Variants in SLC1A1 observed in about 807,000 individuals in gnomAD.
SLC1A1 encodes excitatory amino acid transporter 3.
SLC1A1 carries 43 observed loss-of-function variants against 53.3 expected under a neutral mutation model. The ratio of observed to expected loss-of-function variants is 0.81; its 90% confidence interval spans 0.63 to 1.04. SLC1A1 has a LOEUF of 1.04. Among genes scored for constraint, SLC1A1 ranks in the 50% least tolerant of loss-of-function variants. SLC1A1 has a pLI of 0.00. For missense variants in SLC1A1, 748 were observed against 664.9 expected (o/e 1.12, Z -1.37); for synonymous variants, 307 against 243.2 (o/e 1.26, Z -2.44).
chr9:4,544,421 T>C (rs1039787963), intron 1 of SLC1A1, 146 bp from the exon 2 acceptor site: 18 of 730,006 alleles, frequency 2.5e-5, no homozygotes, highest in East Asian at 5.1e-5. Flanking sequence ...ATAATTTCAG[T>C]CTAGATTTTA....
Position 4,544,699 on chromosome 9 carries a change from T to C in SLC1A1, c.224T>C (p.Met75Thr). 6.2e-7 allele frequency: 1 copy of C among 1,613,020 alleles called. No individual in the cohort carries two copies. Among genetic ancestry groups the C allele is most frequent in the Non-Finnish European group, 8.5e-7 (1 of 1,179,118 alleles). The change falls in exon 2 of 12, where the codon ATG (methionine) becomes ACG (threonine). Residue 75 changes from methionine to threonine, a missense_variant. Transcript: ENST00000262352. ...ATTTTGCCATTAATTATATCCAGCA[T>C]GATTACAGGTACCTTGAGAAAACAG... ...LIILPLIISS[M>T]ITGVAALDSN... is the part of the protein sequence containing the mutation.
intron 2 of SLC1A1, among the ~76,000 whole-genome samples, chr9:4,548,505 C>T (rs1210789804): frequency 1.3e-5 from 2 of 151,684 alleles, no homozygotes; most frequent in African/African-American, 4.8e-5. Context: ...GCCAAATTAA[C>T]AGGTAGAAAA....
intron 3 of SLC1A1, among the ~76,000 whole-genome samples, chr9:4,563,010 C>G (rs542258536): frequency 6.2e-4 from 93 of 150,906 alleles, no homozygotes; most frequent in African/African-American, 2.3e-3. Flanking sequence ...GGAGATATAC[C>G]TAATGCTAGA....
chr9:4,583,313 C>A lies in SLC1A1; in HGVS notation c.1328+141C>A. ...CTGCTTTAATTTTCCTCTGACCAGGCCATCTGATAACATGCCTAAAAATTA... is the reference window on the plus strand; with the variant it reads ...CTGCTTTAATTTTCCTCTGACCAGGACATCTGATAACATGCCTAAAAATTA... On this transcript the variant is annotated intron_variant, in intron 11 of 11. Coordinates refer to ENST00000262352, the MANE Select transcript of SLC1A1 (RefSeq NM_004170.6). This position sits in a 1 kb window ranked among gnomAD's most constrained non-coding sequence, Gnocchi z 4.6. 1 of 1,072,164 alleles carries A rather than the reference C, an allele frequency of 9.3e-7. No homozygotes were observed. The highest frequency in any genetic ancestry group is 1.4e-6 in the Non-Finnish European group (1 of 701,686). The allele number at this position is 1,072,164 out of a possible 1,614,324, so 66.4% of individuals were successfully genotyped here. A position where few individuals can be genotyped will look rare whatever the true frequency, so the allele number is the denominator to read the frequency against.
intron 2 of SLC1A1, among the ~76,000 whole-genome samples, chr9:4,557,502 C>T (rs564472952): frequency 1.4e-4 from 21 of 152,200 alleles, no homozygotes; most frequent in African/African-American, 4.3e-4. Context: ...TTAATTAAAA[C>T]TGGCCAGGTG....
At position 4,579,932 on chromosome 9, in the gene SLC1A1, T is replaced by C. The variant is rs542395738; in HGVS notation, c.1194-3106T>C. On this transcript the variant is annotated intron_variant, in intron 10 of 11. Transcript: ENST00000262352. ...AAAAGGATAAATTGTCTTATAAAAA[T>C]AATTAGGGCCGGAAGCGATGGCTCA... is the stretch of plus-strand genomic sequence containing the variant. Among the ~76,000 whole-genome samples the C allele has an allele frequency of 2.4e-4, 36 of 152,126 alleles. No individual in the cohort carries two copies. In the East Asian group the frequency reaches 6.9e-3, roughly 29 times the overall value.
rs758520165 is a variant in SLC1A1 at position 4,556,312 on chromosome 9, G to A, written c.233-5137G>A. Among the ~76,000 whole-genome samples, 11 of 152,244 alleles carry A rather than the reference G, an allele frequency of 7.2e-5. No homozygotes were observed. The highest frequency in any genetic ancestry group is 4.2e-4 in the South Asian group (2 of 4,814). On this transcript the variant is annotated intron_variant, in intron 2 of 11. Coordinates refer to ENST00000262352, the MANE Select transcript of SLC1A1 (RefSeq NM_004170.6). This position sits in a 1 kb window ranked among gnomAD's most constrained non-coding sequence, Gnocchi z 4.1. ...TGGGATTACCGGCGTGAGCCACTAC[G>A]CCCCGCCCCTATCTTTTATTATTAC...
intron 1 of SLC1A1, among the ~76,000 whole-genome samples, chr9:4,499,758 A>G (rs1230438325): frequency 1.3e-5 from 2 of 152,258 alleles, no homozygotes; most frequent in African/African-American, 4.8e-5. Flanking sequence ...ATGTTGCTTA[A>G]TTTAAGATAC....
intron 2 of SLC1A1, among the ~76,000 whole-genome samples, chr9:4,559,295 A>G (rs1379762101): frequency 6.6e-6 from 1 of 152,150 alleles, no homozygotes; most frequent in Non-Finnish European, 1.5e-5. Context: ...TTATATGGCA[A>G]TTGCACAATC....
At chr9:4,555,522 C>G (rs748250130) in intron 2 of SLC1A1, among the ~76,000 whole-genome samples, 1 of 152,198 alleles carries the variant, frequency 6.6e-6, no homozygotes, top group Non-Finnish European at 1.5e-5. Context: ...TGGGAGCCAA[C>G]ACCCTTGCTC....
chr9:4,490,885 G>T (rs916757230), intron 1 of SLC1A1, 115 bp downstream of exon 1: 8 of 796,690 alleles, frequency 1.0e-5, no homozygotes, highest in Non-Finnish European at 1.5e-5. Context: ...GTCCCTCGAT[G>T]CCCCCTCGGC....
At chr9:4,577,176 G>A (rs1393957583) in intron 10 of SLC1A1, among the ~76,000 whole-genome samples, 1 of 152,204 alleles carries the variant, frequency 6.6e-6, no homozygotes, top group Non-Finnish European at 1.5e-5. Flanking sequence ...GTTCTAGCTG[G>A]GAAGGTGAAC....
chr9:4,505,701 G>A (rs903834645), intron 1 of SLC1A1, among the ~76,000 whole-genome samples: 6 of 152,144 alleles, frequency 3.9e-5, no homozygotes, highest in African/African-American at 1.4e-4. Flanking sequence ...CTGTTACCCA[G>A]GCTGGAGGGC....
rs1464967674 is a variant in SLC1A1, at chr9:4,556,129, C to T, written c.233-5320C>T. On this transcript the variant is annotated intron_variant, in intron 2 of 11. Coordinates refer to ENST00000262352, the MANE Select transcript of SLC1A1 (RefSeq NM_004170.6). This position sits in a 1 kb window ranked among gnomAD's most constrained non-coding sequence, Gnocchi z 4.1. Reference sequence around the variant, plus strand: ...TCAGCCTCCTGAGTAGCTGGGATTGCAGGTGCACACCATCACACCCAGCAA... The same window carrying T: ...TCAGCCTCCTGAGTAGCTGGGATTGTAGGTGCACACCATCACACCCAGCAA... 6.6e-6 allele frequency among the ~76,000 whole-genome samples: 1 copy of T among 151,970 alleles called. No homozygotes were observed. The highest frequency in any genetic ancestry group is 1.5e-5 in the Non-Finnish European group (1 of 68,018).
chr9:4,581,776 AAT>A lies in SLC1A1; in HGVS notation c.1194-1261_1194-1260del, dbSNP rs148207454. 7.3e-3 allele frequency among the ~76,000 whole-genome samples: 1,111 copies of A among 152,296 alleles called. 7 individuals are homozygous for A. Among genetic ancestry groups the A allele is most frequent in the East Asian group, 0.026 (135 of 5,192 alleles). ...AATTGGTACAGCCCCAGAAATCTCT[AAT>A]TTACTATAATTTGGTGGTCAAAACC... is the stretch of plus-strand genomic sequence containing the variant. On this transcript the variant is annotated intron_variant, in intron 10 of 11. Coordinates refer to ENST00000262352, the MANE Select transcript of SLC1A1 (RefSeq NM_004170.6).
At chr9:4,573,463 A>G (rs1820250882) in intron 7 of SLC1A1, among the ~76,000 whole-genome samples, 1 of 152,238 alleles carries the variant, frequency 6.6e-6, no homozygotes, top group African/African-American at 2.4e-5. Flanking sequence ...AAATAGAGCT[A>G]TTATGATCAC....
intron 1 of SLC1A1, among the ~76,000 whole-genome samples, chr9:4,519,911 A>T (rs10118904): frequency 0.56 from 85,617 of 152,070 alleles, 24,513 homozygotes; most frequent in South Asian, 0.61. Context: ...GCAAGTCATT[A>T]ATTAATGACA....
At chr9:4,503,603 G>A (rs934507344) in intron 1 of SLC1A1, among the ~76,000 whole-genome samples, 10 of 151,786 alleles carry the variant, frequency 6.6e-5, no homozygotes, top group African/African-American at 1.5e-4. Context: ...AGACTGGAAC[G>A]AGCAAGTCTG....
chr9:4,492,032 A>C (rs1451513109), intron 1 of SLC1A1, among the ~76,000 whole-genome samples: 1 of 152,246 alleles, frequency 6.6e-6, no homozygotes, highest in Non-Finnish European at 1.5e-5. Flanking sequence ...TCAGGTTTCT[A>C]GTAAATAAAT....
Sources: gnomAD v4.1 joint callset for allele counts (sites outside exome capture counted in the v4.1 genomes callset) on GRCh38, gnomAD v4.1.1 for gene constraint, Gnocchi (gnomAD v3.1) non-coding constraint, MANE v1.5 for transcripts, NCBI Gene and HGNC (gene_info 2026-07-23, HGNC 2026-07-21) for gene names.